The following JHY variants were observed in gnomAD, a reference collection of about 807,000 sequenced individuals.
The protein encoded by JHY is jhy protein homolog.
A neutral mutation model predicts 78.0 loss-of-function variants in JHY; 69 were observed. The ratio of observed to expected loss-of-function variants is 0.88; its 90% confidence interval spans 0.73 to 1.08. JHY has a LOEUF of 1.08. Among genes scored for constraint, JHY ranks in the 50% least tolerant of loss-of-function variants. The pLI is 0.00. For missense variants in JHY, 944 were observed against 927.8 expected, an observed-to-expected ratio of 1.02 and a Z score of -0.23; for synonymous variants, 368 against 342.6, an observed-to-expected ratio of 1.07 and a Z score of -0.82.
chr11:122,924,933 A>C lies in JHY; in HGVS notation c.901A>C (p.Ile301Leu), dbSNP rs1863463073. ...CGTCAGAGTAACAGACAAGACGTCT[A>C]TTCAGAATGCCAAGGAAATGGAAAA... The part of the protein sequence containing the change: ...YPVRVTDKTS[I>L]QNAKEMENAA... The change falls in exon 4 of 9, where the codon ATT becomes CTT. Residue 301 changes from isoleucine (I) to leucine (L), a missense_variant. Coordinates refer to ENST00000227349, the MANE Select transcript of JHY (RefSeq NM_024806.4). 2 of 1,614,086 alleles carry C rather than the reference A, an allele frequency of 1.2e-6. No homozygotes were observed. The highest frequency in any genetic ancestry group is 3.3e-5 in the Admixed American group (2 of 60,022).
chr11:122,949,840 C>CTT lies in JHY; in HGVS notation c.1929+3061_1929+3062dup, dbSNP rs11402032. Among the ~76,000 whole-genome samples the CTT allele has an allele frequency of 3.8e-3, 539 of 142,430 alleles. 3 individuals carry two copies. The highest frequency in any genetic ancestry group is 9.4e-3 in the South Asian group (42 of 4,458). 93.4% of individuals were successfully genotyped at this position (142,430 alleles called of 152,430 possible). ...GTTCCTTTTTTCTTTTCTTTCTTTTCTTTTTTTTTTTTTTGAGACAGAATC... is the reference window on the plus strand; with the variant it reads ...GTTCCTTTTTTCTTTTCTTTCTTTTCTTTTTTTTTTTTTTTTGAGACAGAATC... On this transcript the variant is annotated intron_variant, in intron 6 of 8. Transcript: ENST00000227349.
chr11:122,900,688 C>T (rs1487746961), intron 2 of JHY, among the ~76,000 whole-genome samples: 1 of 152,026 alleles, frequency 6.6e-6, no homozygotes, highest in East Asian at 1.9e-4. Flanking sequence ...CCTGCAGTGT[C>T]AAGTACATTC....
At chr11:122,892,574 G>A (rs554811610) in intron 2 of JHY, among the ~76,000 whole-genome samples, 333 of 152,096 alleles carry the variant, frequency 2.2e-3, no homozygotes, top group African/African-American at 7.0e-3. Context: ...TGCCCACCTC[G>A]GCCTCCCAAA....
chr11:122,945,331 G>T (rs1405742898), intron 5 of JHY, among the ~76,000 whole-genome samples: 1 of 151,878 alleles, frequency 6.6e-6, no homozygotes, highest in Non-Finnish European at 1.5e-5. Flanking sequence ...TTTCTATTTG[G>T]TTCTCATTAA....
chr11:122,951,990 CTTT>C (rs768377869), intron 6 of JHY, among the ~76,000 whole-genome samples: 3 of 133,438 alleles, frequency 2.2e-5, no homozygotes, highest in Admixed American at 7.5e-5. Context: ...TGTTGATTTA[CTTT>C]TTTTTTTTTT....
rs531334453 is a variant in JHY, at chr11:122,915,216, C to T, written c.865-9681C>T. 2.6e-5 allele frequency among the ~76,000 whole-genome samples: 4 copies of T among 152,290 alleles called. No individual in the cohort carries two copies. The East Asian group carries it at 7.7e-4, about 29-fold the overall frequency. The stretch of plus-strand genomic sequence containing the variant: ...CACCGTTCTGTAGTAAAGTAAAAAG[C>T]TATGGCAATGTGATCGCTTCTTTGC... On this transcript the variant is annotated intron_variant, in intron 3 of 8. Transcript: ENST00000227349.
intron 8 of JHY, 56 bp from the exon 9 acceptor site, chr11:122,959,192 T>A (rs1565342160): frequency 6.5e-7 from 1 of 1,533,814 alleles, no homozygotes; most frequent in East Asian, 2.3e-5. Flanking sequence ...AGATTTAATT[T>A]AAGGAATCCA....
At chr11:122,924,365 C>G (rs1259890300) in intron 3 of JHY, among the ~76,000 whole-genome samples, 1 of 152,120 alleles carries the variant, frequency 6.6e-6, no homozygotes, top group African/African-American at 2.4e-5. Flanking sequence ...AATTACTTAA[C>G]CTCTCTGTAC....
chr11:122,899,171 G>A (rs1246125636), intron 2 of JHY, among the ~76,000 whole-genome samples: 1 of 152,162 alleles, frequency 6.6e-6, no homozygotes, highest in Admixed American at 6.5e-5. Flanking sequence ...CTGTGTGTCC[G>A]CTGCTTCACC....
In JHY at chr11:122,904,142, GCTT is replaced by G; in HGVS notation, c.566_568del (p.Ser189del). ...GCAGAAAGAGAGTCCACAGAGTGCAGCTTCTTTACTTGGTAGTGAATTTTTAAG... is the reference window on the plus strand; with the variant it reads ...GCAGAAAGAGAGTCCACAGAGTGCAGCTTTACTTGGTAGTGAATTTTTAAG... On this transcript the variant is annotated inframe_deletion, in exon 3 of 9. Transcript: ENST00000227349. 6.2e-7 allele frequency: 1 copy of G among 1,614,156 alleles called. No individual in the cohort carries two copies. The highest frequency in any genetic ancestry group is 1.1e-5 in the South Asian group (1 of 91,080).
At chr11:122,943,941 C>A (rs1863919027) in intron 5 of JHY, among the ~76,000 whole-genome samples, 1 of 152,154 alleles carries the variant, frequency 6.6e-6, no homozygotes, top group African/African-American at 2.4e-5. Flanking sequence ...TGCAGTGGCT[C>A]ACACCTGTAA....
At chr11:122,928,870 G>T (rs1028937037) in intron 4 of JHY, among the ~76,000 whole-genome samples, 2 of 152,004 alleles carry the variant, frequency 1.3e-5, no homozygotes, top group African/African-American at 4.8e-5. Context: ...GGATGGTCTT[G>T]ATCTCCTGAC....
At chr11:122,891,228 A>G (rs934766036) in intron 2 of JHY, among the ~76,000 whole-genome samples, 2 of 152,170 alleles carry the variant, frequency 1.3e-5, no homozygotes, top group African/African-American at 2.4e-5. Context: ...TTTGTAATCA[A>G]TAATTTTAAA....
chr11:122,933,778 A>G (rs2135353899), intron 4 of JHY, among the ~76,000 whole-genome samples: 1 of 152,330 alleles, frequency 6.6e-6, no homozygotes, highest in South Asian at 2.1e-4. Flanking sequence ...TGTATTTAAT[A>G]TTAGATTTGT....
intron 2 of JHY, among the ~76,000 whole-genome samples, chr11:122,889,360 A>G (rs1862563442): frequency 6.6e-6 from 1 of 152,188 alleles, no homozygotes; most frequent in Admixed American, 6.5e-5. Context: ...CCAACCAAAC[A>G]TAGATCAAAA....
intron 5 of JHY, among the ~76,000 whole-genome samples, chr11:122,941,270 T>A (rs1050541971): frequency 5.9e-5 from 9 of 152,202 alleles, no homozygotes; most frequent in African/African-American, 2.2e-4. Flanking sequence ...TGAACCTCTT[T>A]CTATAATTAT....
chr11:122,926,444 G>C (rs998374186), intron 4 of JHY, among the ~76,000 whole-genome samples: 6 of 150,456 alleles, frequency 4.0e-5, no homozygotes, highest in Non-Finnish European at 8.9e-5. Context: ...TAGAAAGAAG[G>C]GACAGCCCGA....
intron 5 of JHY, among the ~76,000 whole-genome samples, chr11:122,940,136 G>A: frequency 6.6e-6 from 1 of 151,878 alleles, no homozygotes; most frequent in East Asian, 1.9e-4. Context: ...TCAGGAGTTC[G>A]AGACCAGCCT....
At chr11:122,952,264 T>C (rs1255771709) in intron 6 of JHY, among the ~76,000 whole-genome samples, 1 of 152,172 alleles carries the variant, frequency 6.6e-6, no homozygotes, top group African/African-American at 2.4e-5. Context: ...CTGAAAACCA[T>C]TGTATTGTAC....
Sources: allele counts gnomAD v4.1 joint callset (sites outside exome capture counted in the v4.1 genomes callset), GRCh38; gene constraint gnomAD v4.1.1; transcripts MANE v1.5; gene names NCBI Gene and HGNC (gene_info 2026-07-23, HGNC 2026-07-21).